CSPG5: variants seen among roughly 807,000 people sequenced by gnomAD.
CSPG5 encodes acidic leucine-rich EGF-like domain-containing brain protein.
CSPG5 carries 25 observed loss-of-function variants against 39.8 expected under a neutral mutation model. That is an observed-to-expected ratio of 0.63 (90% CI 0.46 to 0.88). The LOEUF is 0.88. CSPG5 is among the 40% of genes least tolerant of loss of function. The probability of loss-of-function intolerance (pLI) is 0.00; values close to 1 mark genes in which losing one functional copy is unlikely to be tolerated. For synonymous variants in CSPG5, 295 were observed against 303.9 expected (o/e 0.97, Z 0.31); for missense variants, 627 against 702.2 (o/e 0.89, Z 1.21).
rs1488643219 is a variant in CSPG5 at position 47,578,440 on chromosome 3, C to T, written c.97+157G>A. Among the ~76,000 whole-genome samples the T allele has an allele frequency of 1.3e-5, 2 of 150,740 alleles. No homozygotes were observed. Among genetic ancestry groups the T allele is most frequent in the African/African-American group, 4.9e-5 (2 of 41,222 alleles). On this transcript the variant is annotated intron_variant, in intron 1 of 4. Coordinates refer to ENST00000264723, the MANE Select transcript of CSPG5 (RefSeq NM_006574.4). This position sits in a 1 kb window ranked among gnomAD's most constrained non-coding sequence, Gnocchi z 6.0. ...CGCGGGTCGGCCTTTCCCGGACCCC[C>T]ACCACCTCCTGGGACCATTCCGCCG...
At chr3:47,574,401 C>T (rs2031632391) in intron 2 of CSPG5, among the ~76,000 whole-genome samples, 1 of 152,150 alleles carries the variant, frequency 6.6e-6, no homozygotes, top group Non-Finnish European at 1.5e-5. Context: ...GGTTGCACAG[C>T]CCCCAGGCTG....
At chr3:47,580,102 G>T (rs1352768227), upstream of CSPG5, 1 of 152,206 alleles carries the variant, frequency 6.6e-6, no homozygotes, top group Non-Finnish European at 1.5e-5. Flanking sequence ...CTAGCCTAGC[G>T]TCTCCACCTC....
In CSPG5 at chr3:47,578,379, T is replaced by C. The variant is rs1471774777; in HGVS notation, c.97+218A>G. The stretch of plus-strand genomic sequence containing the variant: ...CCAGTCCGCACCGCGGCCCGCGCGC[T>C]TGGGTCCCGGCTACCCCAACCGGGG... On this transcript the variant is annotated intron_variant, in intron 1 of 4. Transcript: ENST00000264723. The surrounding 1 kb of genome is among the most constrained non-coding windows in gnomAD (Gnocchi z 6.0). 8.6e-6 allele frequency among the ~76,000 whole-genome samples: 1 copy of C among 115,810 alleles called. No individual in the cohort carries two copies. The highest frequency in any genetic ancestry group is 1.7e-5 in the Non-Finnish European group (1 of 59,542). 76.0% of individuals were successfully genotyped at this position (115,810 alleles called of 152,430 possible).
At position 47,572,792 on chromosome 3, in the gene CSPG5, C is replaced by A. The variant is rs760452015; in HGVS notation, c.1276G>T (p.Val426Leu). 4 of 1,614,016 alleles carry A rather than the reference C, an allele frequency of 2.5e-6. No homozygotes were observed. The highest frequency in any genetic ancestry group is 1.7e-5 in the Admixed American group (1 of 59,992). ...AGCAGGACGAGGGCAGCCGAGCCCACGGCCACGCACATCACCTGGAAGTCG... is the reference window on the plus strand; with the variant it reads ...AGCAGGACGAGGGCAGCCGAGCCCAAGGCCACGCACATCACCTGGAAGTCG... ...ITDFQVMCVA[V>L]GSAALVLLLL... Residue 426 changes from valine (V) to leucine (L), a missense_variant, in exon 3 of 5, where the codon GTG (valine) becomes TTG (leucine). Physicochemically the swap from Val to Leu is conservative, Grantham distance 32. Coordinates refer to ENST00000264723, the MANE Select transcript of CSPG5 (RefSeq NM_006574.4). This position sits in a 1 kb window ranked among gnomAD's most constrained non-coding sequence, Gnocchi z 4.5.
At chr3:47,563,549 T>G (rs2031174941) in intron 4 of CSPG5, among the ~76,000 whole-genome samples, 1 of 152,160 alleles carries the variant, frequency 6.6e-6, no homozygotes, top group Non-Finnish European at 1.5e-5. Flanking sequence ...ATGTATTTAT[T>G]GATGTATTTA....
At position 47,562,780 on chromosome 3, in the gene CSPG5, T is replaced by TGG. The variant is rs144390955; in HGVS notation, c.1459-21_1459-20dup. 34 of 1,156,344 alleles carry TGG rather than the reference T, an allele frequency of 2.9e-5. No individual in the cohort carries two copies. The highest frequency in any genetic ancestry group is 1.3e-4 in the Admixed American group (6 of 47,128). 71.6% of individuals were successfully genotyped at this position (1,156,344 alleles called of 1,614,324 possible). A position where few individuals can be genotyped will look rare whatever the true frequency, so the allele number is the denominator to read the frequency against. ...GATCATCCTGGAAGAGGGAAAAAGT[T>TGG]GGGGGGGGGGAGACAATGCATACAG... On this transcript the variant is annotated intron_variant, in intron 4 of 4. Transcript: ENST00000264723.
intron 3 of CSPG5, among the ~76,000 whole-genome samples, chr3:47,570,774 C>A (rs1380046993): frequency 1.3e-5 from 2 of 152,168 alleles, no homozygotes; most frequent in East Asian, 3.8e-4. Flanking sequence ...CCTGCCTCGG[C>A]CTCCCAAAGT....
At chr3:47,566,368 C>T (rs906582114) in intron 4 of CSPG5, among the ~76,000 whole-genome samples, 4 of 152,266 alleles carry the variant, frequency 2.6e-5, no homozygotes, top group African/African-American at 9.6e-5. Context: ...TCACTCTCCC[C>T]GGCTGCTGGC....
intron 4 of CSPG5, among the ~76,000 whole-genome samples, chr3:47,565,270 A>C (rs2031249236): frequency 6.6e-6 from 1 of 152,190 alleles, no homozygotes; most frequent in African/African-American, 2.4e-5. Flanking sequence ...TCCCAAAAGC[A>C]AGAGATATGC....
In CSPG5 at chr3:47,577,944, C is replaced by CA. The variant is rs774268770; in HGVS notation, c.98-17dup. 4 of 1,405,622 alleles carry CA rather than the reference C, an allele frequency of 2.8e-6. No individual in the cohort carries two copies. The highest frequency in any genetic ancestry group is 3.7e-6 in the Non-Finnish European group (4 of 1,091,864). 87.1% of individuals were successfully genotyped at this position (1,405,622 alleles called of 1,614,324 possible). ...GCCTCACGCGCTGCGGGCGGGAGGGCAAGGGGCGGGACGTCAGGGCGGCGC... is the reference window on the plus strand; with the variant it reads ...GCCTCACGCGCTGCGGGCGGGAGGGCAAAGGGGCGGGACGTCAGGGCGGCGC... On this transcript the variant is annotated splice_polypyrimidine_tract_variant and intron_variant, in intron 1 of 4. Coordinates refer to ENST00000264723, the MANE Select transcript of CSPG5 (RefSeq NM_006574.4). The surrounding 1 kb of genome is among the most constrained non-coding windows in gnomAD (Gnocchi z 4.7).
rs1490913928 is a variant in CSPG5, at chr3:47,577,755, C to T, written c.271G>A (p.Glu91Lys). 6.3e-7 allele frequency: 1 copy of T among 1,587,668 alleles called. No individual in the cohort carries two copies. Among genetic ancestry groups the T allele is most frequent in the Non-Finnish European group, 8.5e-7 (1 of 1,173,150 alleles). ...GCGGTGCCGGTCACCGCAGCCGACT[C>T]CTGCAGCACCTCTTCTGGCCCGGCC... Reference protein sequence around the residue: ...ELAGPEEVLQESAAVTGTAWL... With the variant: ...ELAGPEEVLQKSAAVTGTAWL... The change falls in exon 2 of 5, where the codon GAG becomes AAG. Residue 91 changes from glutamate to lysine, a missense_variant. Transcript: ENST00000264723. The surrounding 1 kb of genome is among the most constrained non-coding windows in gnomAD (Gnocchi z 4.7).
Position 47,571,306 on chromosome 3 carries a change from A to G in CSPG5, c.1382+1380T>C, listed in dbSNP as rs532379575. Among the ~76,000 whole-genome samples the G allele has an allele frequency of 4.6e-5, 7 of 152,356 alleles. No individual in the cohort carries two copies. In the South Asian group the frequency reaches 1.2e-3, roughly 27 times the overall value. On this transcript the variant is annotated intron_variant, in intron 3 of 4. Transcript: ENST00000264723. Reference sequence around the variant, plus strand: ...AAGAGGGCCATGCTCTGTGAAAAACACAGGGCTGGCTAGAGGAAGAGGCCC... The same window carrying G: ...AAGAGGGCCATGCTCTGTGAAAAACGCAGGGCTGGCTAGAGGAAGAGGCCC...
Position 47,572,619 on chromosome 3 carries a change from G to C in CSPG5, c.1382+67C>G, listed in dbSNP as rs1278659792. ...ACAAAGTCCCTGGATCAGTTGGAGG[G>C]GTGCAGCAGCGTCGGGGGGCCTCCC... is the stretch of plus-strand genomic sequence containing the variant. On this transcript the variant is annotated intron_variant, in intron 3 of 4. Coordinates refer to ENST00000264723, the MANE Select transcript of CSPG5 (RefSeq NM_006574.4). This position sits in a 1 kb window ranked among gnomAD's most constrained non-coding sequence, Gnocchi z 4.5. 2 of 1,345,556 alleles carry C rather than the reference G, an allele frequency of 1.5e-6. No individual in the cohort carries two copies. Among genetic ancestry groups the C allele is most frequent in the Non-Finnish European group, 2.1e-6 (2 of 950,014 alleles). The allele number at this position is 1,345,556 out of a possible 1,614,324, so 83.4% of individuals were successfully genotyped here.
At chr3:47,563,850 G>C (rs189490568) in intron 4 of CSPG5, among the ~76,000 whole-genome samples, 27 of 152,310 alleles carry the variant, frequency 1.8e-4, no homozygotes, top group African/African-American at 5.5e-4. Context: ...CACCACGCCG[G>C]CTTGAATTTG....
Position 47,576,834 on chromosome 3 carries a change from T to G in CSPG5, c.1192A>C (p.Arg398=). ...TGCACCTGCCTGCCATGCCCTTACC[T>G]GCAGAAGGCCCCTATGTTCTCCACC... ...YLVENIGAFC[R]CNTQDYIWHK... Residue 398 remains arginine, a splice_region_variant and synonymous_variant, in exon 2 of 5, where the codon AGG becomes CGG. Transcript: ENST00000264723. 3 of 1,548,536 alleles carry G rather than the reference T, an allele frequency of 1.9e-6. No individual in the cohort carries two copies. In the East Asian group the frequency reaches 6.8e-5, roughly 35 times the overall value.
chr3:47,577,409 T>A lies in CSPG5; in HGVS notation c.617A>T (p.Asp206Val). 4 of 1,614,178 alleles carry A rather than the reference T, an allele frequency of 2.5e-6. No homozygotes were observed. The South Asian group carries it at 4.4e-5, about 18-fold the overall frequency. ...TTCGAAGTAGTCGATGTCAATGATA[T>A]CTGATGCCGGTTGGGGCTCCAGGGT... ...QGTLEPQPAS[D>V]IIDIDYFEGL... The change falls in exon 2 of 5, where the codon GAT becomes GTT. Residue 206 changes from aspartate to valine, a missense_variant. Coordinates refer to ENST00000264723, the MANE Select transcript of CSPG5 (RefSeq NM_006574.4). This position sits in a 1 kb window ranked among gnomAD's most constrained non-coding sequence, Gnocchi z 4.7.
Position 47,577,541 on chromosome 3 carries a change from C to A in CSPG5, c.485G>T (p.Ser162Ile). Residue 162 changes from serine to isoleucine, a missense_variant, in exon 2 of 5, where the codon AGC (serine) becomes ATC (isoleucine). Ser to Ile is a moderately radical substitution (Grantham distance 142). Coordinates refer to ENST00000264723, the MANE Select transcript of CSPG5 (RefSeq NM_006574.4). The surrounding 1 kb of genome is among the most constrained non-coding windows in gnomAD (Gnocchi z 4.7). Reference sequence around the variant, plus strand: ...CTCCTTGGGGAGTTCAGAAGCTGGGCTCAGCTTGTCGCCGGGGGTGGGGGA... The same window carrying A: ...CTCCTTGGGGAGTTCAGAAGCTGGGATCAGCTTGTCGCCGGGGGTGGGGGA... The part of the protein sequence containing the change: ...PPSPTPGDKL[S>I]PASELPKESP... 1 of 1,610,738 alleles carries A rather than the reference C, an allele frequency of 6.2e-7. No individual in the cohort carries two copies.
chr3:47,564,576 G>A (rs1049017742), intron 4 of CSPG5, among the ~76,000 whole-genome samples: 14 of 152,144 alleles, frequency 9.2e-5, no homozygotes, highest in Admixed American at 1.3e-4. Context: ...CAGATGTCAG[G>A]TAAGGCAGCT....
At chr3:47,571,930 C>T (rs2031544202) in intron 3 of CSPG5, among the ~76,000 whole-genome samples, 1 of 152,182 alleles carries the variant, frequency 6.6e-6, no homozygotes. Context: ...AAGGTCACAT[C>T]CGAGTGTTCA....
Sources: allele counts gnomAD v4.1 joint callset (sites outside exome capture counted in the v4.1 genomes callset), GRCh38; gene constraint gnomAD v4.1.1; non-coding constraint Gnocchi (gnomAD v3.1); transcripts MANE v1.5; gene names NCBI Gene and HGNC (gene_info 2026-07-23, HGNC 2026-07-21).